Variants in TINAG observed in about 807,000 individuals in gnomAD.
TINAG encodes tubulointerstitial nephritis antigen.
Under a neutral mutation model 72.7 loss-of-function variants are expected in TINAG, and 83 were observed. The ratio of observed to expected loss-of-function variants is 1.14; its 90% CI spans 0.96 to 1.37. The LOEUF (loss-of-function observed/expected upper bound fraction) is 1.37, where lower values mean the gene tolerates loss of function less well. Among genes scored for constraint, TINAG ranks in the 40% most tolerant of loss-of-function variants. The probability of loss-of-function intolerance (pLI) is 0.00; values close to 1 mark genes in which losing one functional copy is unlikely to be tolerated. For missense variants in TINAG, 685 were observed against 576.6 expected (o/e 1.19, Z -1.93); for synonymous variants, 234 against 189.9 (o/e 1.23, Z -1.91).
At position 54,380,594 on chromosome 6, in the gene TINAG, A is replaced by T. The variant is rs12153943; in HGVS notation, c.1296+23A>T. On this transcript the variant is annotated intron_variant, in intron 10 of 10. Coordinates refer to ENST00000259782, the MANE Select transcript of TINAG (RefSeq NM_014464.4). ...TGGGTATGTAACTCTTTCCAGTTGA[A>T]TTCCTGCTGTGAAGTGAATATGTTC... The T allele has an allele frequency of 6.2e-3, 9,846 of 1,600,634 alleles. 44 individuals carry two copies. Among genetic ancestry groups the T allele is most frequent in the South Asian group, 8.3e-3 (751 of 90,472 alleles).
chr6:54,360,513 T>C (rs956858303), intron 9 of TINAG, among the ~76,000 whole-genome samples: 1 of 151,818 alleles, frequency 6.6e-6, no homozygotes, highest in African/African-American at 2.4e-5. Flanking sequence ...CTCCATATTA[T>C]GGTCCTATTC....
chr6:54,334,913 TG>T (rs1265341146), intron 4 of TINAG, among the ~76,000 whole-genome samples: 1 of 152,224 alleles, frequency 6.6e-6, no homozygotes, highest in Non-Finnish European at 1.5e-5. Flanking sequence ...TTTATGGTTT[TG>T]AGTGACCTAA....
chr6:54,351,349 C>G lies in TINAG; in HGVS notation c.1081-3C>G. On this transcript the variant is annotated splice_polypyrimidine_tract_variant and splice_region_variant and intron_variant, in intron 7 of 10. Transcript: ENST00000259782. The stretch of plus-strand genomic sequence containing the variant: ...TATTGCTTATTCATATTTTTCCATC[C>G]AGGAAACTGAGATAATGAAAGAAAT... 1.2e-6 allele frequency: 2 copies of G among 1,608,566 alleles called. No individual in the cohort carries two copies. The highest frequency in any genetic ancestry group is 1.7e-6 in the Non-Finnish European group (2 of 1,176,538).
At chr6:54,310,496 TTC>T (rs200243681) in intron 1 of TINAG, among the ~76,000 whole-genome samples, 5,040 of 40,134 alleles carry the variant, frequency 0.13, 213 homozygotes, top group Middle Eastern at 0.22. Flanking sequence ...CTTTCTTTTC[TTC>T]TTTCTTTCTC....
rs770306858 is a variant in TINAG at position 54,354,583 on chromosome 6, T to A, written c.1197T>A (p.Asn399Lys). The change falls in exon 9 of 11, where the codon AAT becomes AAA. Residue 399 changes from asparagine (N) to lysine (K), a missense_variant. Transcript: ENST00000259782. ...TATACAGACATGTTACCAGCACAAA[T>A]AAAGAATCAGAAAAATATCGAAAGC... Reference protein sequence around the residue: ...TGIYRHVTSTNKESEKYRKLQ... With the variant: ...TGIYRHVTSTKKESEKYRKLQ... The A allele has an allele frequency of 1.1e-5, 18 of 1,610,866 alleles. 1 individual carries two copies. The East Asian group carries it at 4.0e-4, about 36-fold the overall frequency.
intron 10 of TINAG, among the ~76,000 whole-genome samples, chr6:54,381,802 A>C (rs1174473721): frequency 6.6e-6 from 1 of 152,118 alleles, no homozygotes; most frequent in African/African-American, 2.4e-5. Context: ...TTTTAATCTC[A>C]TAACGATGTA....
chr6:54,352,169 C>T (rs72959316), intron 8 of TINAG, among the ~76,000 whole-genome samples: 4,061 of 151,330 alleles, frequency 0.027, 93 homozygotes, highest in Non-Finnish European at 0.041. Flanking sequence ...CTGAAGGGCC[C>T]GGAATATATT....
chr6:54,343,061 T>C (rs1785035903), intron 4 of TINAG, among the ~76,000 whole-genome samples, 165 bp from the exon 5 acceptor site: 1 of 152,204 alleles, frequency 6.6e-6, no homozygotes, highest in Non-Finnish European at 1.5e-5. Context: ...TTGTCATTTT[T>C]AACCATAGAG....
chr6:54,313,811 C>T (rs983550686), intron 1 of TINAG, among the ~76,000 whole-genome samples: 4 of 151,926 alleles, frequency 2.6e-5, no homozygotes, highest in Non-Finnish European at 4.4e-5. Context: ...CATACTTTTT[C>T]ATACATAGTT....
At chr6:54,308,020 T>C (rs1248328202), upstream of TINAG, 3 of 1,548,288 alleles carry the variant, frequency 1.9e-6, no homozygotes, top group Non-Finnish European at 2.6e-6. Context: ...CTGGGCATGA[T>C]TTAGAGCAAC....
At chr6:54,308,930 C>A in intron 1 of TINAG, 25 bp downstream of exon 1, 1 of 1,546,958 alleles carries the variant, frequency 6.5e-7, no homozygotes, top group Admixed American at 1.9e-5. Flanking sequence ...TGTGTTTCAA[C>A]ATCATCCTCG....
intron 6 of TINAG, 106 bp downstream of exon 6, chr6:54,347,623 T>C (rs896172828): frequency 8.9e-7 from 1 of 1,119,002 alleles, no homozygotes; most frequent in African/African-American, 1.6e-5. Flanking sequence ...CTTAAAAATA[T>C]ATATACTACA....
At chr6:54,329,925 A>G (rs577848484) in intron 4 of TINAG, among the ~76,000 whole-genome samples, 135 of 152,352 alleles carry the variant, frequency 8.9e-4, no homozygotes, top group African/African-American at 2.9e-3. Flanking sequence ...AGAACTAACT[A>G]TCATGAATAT....
chr6:54,380,378 G>T (rs1763911162), intron 9 of TINAG, 148 bp from the exon 10 acceptor site: 2 of 552,506 alleles, frequency 3.6e-6, no homozygotes, highest in South Asian at 2.6e-5. Context: ...GCACATTTCT[G>T]TAGGGCAATG....
intron 8 of TINAG, among the ~76,000 whole-genome samples, chr6:54,352,994 A>G (rs1785301567): frequency 6.6e-6 from 1 of 151,860 alleles, no homozygotes; most frequent in Non-Finnish European, 1.5e-5. Flanking sequence ...AGAGACGAGG[A>G]ACAACCAAAC....
At chr6:54,316,550 T>A (rs1784376746) in intron 1 of TINAG, among the ~76,000 whole-genome samples, 1 of 152,134 alleles carries the variant, frequency 6.6e-6, no homozygotes, top group Admixed American at 6.6e-5. Flanking sequence ...GGGGGTGGAT[T>A]CCTGATTAGA....
At chr6:54,372,180 C>T (rs1478283716) in intron 9 of TINAG, among the ~76,000 whole-genome samples, 4 of 151,498 alleles carry the variant, frequency 2.6e-5, no homozygotes, top group Admixed American at 6.6e-5. Flanking sequence ...TTAATAGAGA[C>T]GGGGTTTCAC....
intron 9 of TINAG, among the ~76,000 whole-genome samples, chr6:54,379,408 G>A (rs1016997894): frequency 5.3e-5 from 8 of 152,232 alleles, no homozygotes; most frequent in African/African-American, 7.2e-5. Flanking sequence ...AAATGAAATC[G>A]TGTACGTTTA....
chr6:54,322,333 C>CA (rs148020265), intron 3 of TINAG, among the ~76,000 whole-genome samples: 19,787 of 146,758 alleles, frequency 0.13, 1,555 homozygotes, highest in African/African-American at 0.22. Flanking sequence ...AACAAACAAA[C>CA]AAAAAAAAAA....
Sources: gnomAD v4.1 joint callset for allele counts (sites outside exome capture counted in the v4.1 genomes callset) on GRCh38, gnomAD v4.1.1 for gene constraint, MANE v1.5 for transcripts, NCBI Gene and HGNC (gene_info 2026-07-23, HGNC 2026-07-21) for gene names.